The following IMMP2L variants were observed in gnomAD, a reference collection of about 807,000 sequenced individuals.
IMMP2L encodes the protein inner mitochondrial membrane peptidase subunit 2.
A neutral mutation model predicts 19.3 loss-of-function variants in IMMP2L; 18 were observed. The ratio of observed to expected loss-of-function variants is 0.93; its 90% CI spans 0.64 to 1.38. The LOEUF (loss-of-function observed/expected upper bound fraction) is 1.38, where lower values mean the gene tolerates loss of function less well. IMMP2L is among the 40% of genes most tolerant of loss of function. The pLI, the probability that IMMP2L is intolerant of heterozygous loss-of-function variation, is 0.00. For missense variants in IMMP2L, 233 were observed against 218.2 expected (o/e 1.07, Z -0.43); for synonymous variants, 76 against 73.0 (o/e 1.04, Z -0.21).
chr7:110,696,966 A>G (rs1793936801), intron 5 of IMMP2L, among the ~76,000 whole-genome samples: 1 of 152,170 alleles, frequency 6.6e-6, no homozygotes, highest in African/African-American at 2.4e-5. Flanking sequence ...GAGGAGAGAT[A>G]AGAAGTGCAG....
At chr7:110,890,300 A>G (rs1259524670) in intron 4 of IMMP2L, among the ~76,000 whole-genome samples, 2 of 152,160 alleles carry the variant, frequency 1.3e-5, no homozygotes, top group African/African-American at 4.8e-5. Flanking sequence ...GTTTTTACCT[A>G]CTAGTCTCTT....
chr7:111,201,647 CAG>C (rs1211802088), intron 3 of IMMP2L, among the ~76,000 whole-genome samples: 3 of 150,560 alleles, frequency 2.0e-5, no homozygotes, highest in African/African-American at 7.3e-5. Flanking sequence ...GCCTGGGAGA[CAG>C]GGGTTGCAGT....
At chr7:110,825,373 T>C (rs1172814505) in intron 5 of IMMP2L, among the ~76,000 whole-genome samples, 6 of 152,052 alleles carry the variant, frequency 3.9e-5, no homozygotes, top group East Asian at 3.9e-4. Flanking sequence ...GAGCCCGCAT[T>C]GCCAAGTCAA....
At chr7:111,057,291 C>A (rs1332139097) in intron 3 of IMMP2L, among the ~76,000 whole-genome samples, 1 of 152,242 alleles carries the variant, frequency 6.6e-6, no homozygotes, top group South Asian at 2.1e-4. Context: ...CTCCATTCCT[C>A]CAGAATATGA....
chr7:111,501,894 C>A (rs1384820784), intron 2 of IMMP2L, among the ~76,000 whole-genome samples: 1 of 152,110 alleles, frequency 6.6e-6, no homozygotes, highest in African/African-American at 2.4e-5. Context: ...ACCATCAAGG[C>A]TAGGAAGAAA....
At chr7:111,180,433 A>G (rs980385218) in intron 3 of IMMP2L, among the ~76,000 whole-genome samples, 3 of 152,026 alleles carry the variant, frequency 2.0e-5, no homozygotes, top group Admixed American at 6.6e-5. Context: ...ACATTTGTCA[A>G]TTCAACTTGC....
chr7:110,977,777 T>C (rs1820853927), intron 3 of IMMP2L, among the ~76,000 whole-genome samples: 1 of 151,838 alleles, frequency 6.6e-6, no homozygotes, highest in African/African-American at 2.4e-5. Context: ...AGAACCTTCT[T>C]CATAAGACCT....
chr7:110,911,808 A>C (rs1304445959), intron 4 of IMMP2L, among the ~76,000 whole-genome samples: 1 of 152,126 alleles, frequency 6.6e-6, no homozygotes, highest in Non-Finnish European at 1.5e-5. Flanking sequence ...TAACCTGTCT[A>C]ATCTTTCAAT....
At chr7:111,483,804 C>T (rs564381664) in intron 3 of IMMP2L, 15 of 152,218 alleles carry the variant, frequency 9.9e-5, no homozygotes, top group African/African-American at 3.4e-4. Context: ...ACATTGGTTC[C>T]TATGTAATTT....
intron 3 of IMMP2L, among the ~76,000 whole-genome samples, chr7:111,192,606 A>G (rs1337041305): frequency 6.6e-6 from 1 of 152,156 alleles, no homozygotes; most frequent in Non-Finnish European, 1.5e-5. Flanking sequence ...TCAGTAAGAC[A>G]TTTGGAACAC....
intron 3 of IMMP2L, among the ~76,000 whole-genome samples, chr7:111,198,430 T>C (rs1292221402): frequency 2.0e-5 from 3 of 152,262 alleles, no homozygotes; most frequent in African/African-American, 7.2e-5. Flanking sequence ...TATTACCCTA[T>C]GGGCTGCTGT....
chr7:110,854,162 T>A (rs1806517919), intron 5 of IMMP2L, among the ~76,000 whole-genome samples: 1 of 152,032 alleles, frequency 6.6e-6, no homozygotes, highest in South Asian at 2.1e-4. Flanking sequence ...TCTACTTGTA[T>A]GTAATACAAC....
At chr7:111,057,602 C>G (rs1245006759) in intron 3 of IMMP2L, among the ~76,000 whole-genome samples, 2 of 152,230 alleles carry the variant, frequency 1.3e-5, no homozygotes, top group East Asian at 3.9e-4. Flanking sequence ...TAAATGGGAA[C>G]CTATGTTAAA....
At chr7:111,004,351 A>C (rs1824064500) in intron 3 of IMMP2L, among the ~76,000 whole-genome samples, 1 of 152,058 alleles carries the variant, frequency 6.6e-6, no homozygotes, top group African/African-American at 2.4e-5. Flanking sequence ...TTTTTGTAGA[A>C]ATAGGGTTTT....
rs192366808 is a variant in IMMP2L, at chr7:111,034,888, G to A, written c.240-71323C>T. On this transcript the variant is annotated intron_variant, in intron 3 of 5. Coordinates refer to ENST00000405709, the MANE Select transcript of IMMP2L (RefSeq NM_032549.4). ...TACAACAATACTTAATACTTAGTAA[G>A]AGCTGAGTAAACATTGTTGAATAAA... is the stretch of plus-strand genomic sequence containing the variant. 2.4e-3 allele frequency among the ~76,000 whole-genome samples: 368 copies of A among 152,216 alleles called. 3 individuals carry two copies. Among genetic ancestry groups the A allele is most frequent in the African/African-American group, 8.5e-3 (352 of 41,552 alleles).
At chr7:111,384,235 G>GAGGAGAA (rs1210518609) in intron 3 of IMMP2L, among the ~76,000 whole-genome samples, 3 of 141,896 alleles carry the variant, frequency 2.1e-5, no homozygotes, top group Admixed American at 1.4e-4. Context: ...AGAAAGGAGA[G>GAGGAGAA]AGGAGAAAGG....
intron 5 of IMMP2L, among the ~76,000 whole-genome samples, chr7:110,843,224 C>T (rs1038729958): frequency 6.6e-6 from 1 of 152,062 alleles, no homozygotes; most frequent in African/African-American, 2.4e-5. Context: ...CTGCCCACTG[C>T]CAATTATCTT....
intron 5 of IMMP2L, among the ~76,000 whole-genome samples, chr7:110,834,599 C>A (rs1362865421): frequency 6.6e-6 from 1 of 151,982 alleles, no homozygotes; most frequent in Non-Finnish European, 1.5e-5. Context: ...CATCTTAGAA[C>A]AAAGAATTAA....
intron 3 of IMMP2L, among the ~76,000 whole-genome samples, chr7:111,233,372 T>C (rs899420420): frequency 6.6e-6 from 1 of 152,104 alleles, no homozygotes; most frequent in Non-Finnish European, 1.5e-5. Context: ...TTGCTTTTTG[T>C]AATAATGTAA....
Sources: allele counts gnomAD v4.1 joint callset (sites outside exome capture counted in the v4.1 genomes callset), GRCh38; gene constraint gnomAD v4.1.1; transcripts MANE v1.5; gene names NCBI Gene and HGNC (gene_info 2026-07-23, HGNC 2026-07-21).